Variants in COP1 observed in about 807,000 individuals in gnomAD.
COP1 encodes E3 ubiquitin-protein ligase COP1.
COP1 carries 24 observed loss-of-function variants against 101.3 expected under a neutral mutation model. The observed-to-expected ratio is 0.24, with a 90% CI of 0.17 to 0.33. The LOEUF (loss-of-function observed/expected upper bound fraction) is 0.33, where lower values mean the gene tolerates loss of function less well. Among genes scored for constraint, COP1 ranks in the 10% least tolerant of loss-of-function variants. The pLI is 1.00. For missense variants in COP1, 663 were observed against 906.2 expected (o/e 0.73, Z 3.45); for synonymous variants, 347 against 341.9 (o/e 1.01, Z -0.17).
chr1:176,117,523 T>A (rs2149604093), intron 8 of COP1, among the ~76,000 whole-genome samples: 1 of 152,328 alleles, frequency 6.6e-6, no homozygotes, highest in Non-Finnish European at 1.5e-5. Context: ...TATCAACAAC[T>A]GAAAATCACA....
intron 9 of COP1, among the ~76,000 whole-genome samples, chr1:176,093,142 T>G (rs2149463153): frequency 6.6e-6 from 1 of 152,274 alleles, no homozygotes; most frequent in African/African-American, 2.4e-5. Flanking sequence ...TGGTAAAACT[T>G]TTTTAAAAGT....
At chr1:176,060,878 G>T (rs1674717966) in intron 11 of COP1, among the ~76,000 whole-genome samples, 1 of 151,870 alleles carries the variant, frequency 6.6e-6, no homozygotes, top group African/African-American at 2.4e-5. Context: ...AAACACTGAA[G>T]AAAAATATTT....
At chr1:176,097,868 C>CA (rs35822200) in intron 9 of COP1, among the ~76,000 whole-genome samples, 13,168 of 79,010 alleles carry the variant, frequency 0.17, 1,344 homozygotes, top group African/African-American at 0.33. Flanking sequence ...AACTCCATCT[C>CA]AAAAAAAAAA....
Position 175,988,400 on chromosome 1 carries a change from A to G in COP1, c.1860T>C (p.Ser620=), listed in dbSNP as rs778712331. ...GEEIVSASTD[S]QLKLWNVGKP... ...TCCCTACATTCCACAGTTTTAGCTG[A>G]CTGTCTGTTGAGCTGAGGAAAAGTA... is the stretch of plus-strand genomic sequence containing the variant. The change falls in exon 17 of 20, where the codon AGT becomes AGC. Residue 620 remains serine, a synonymous_variant. Transcript: ENST00000367669. 2 of 1,601,834 alleles carry G rather than the reference A, an allele frequency of 1.2e-6. No individual in the cohort carries two copies. The highest frequency in any genetic ancestry group is 2.2e-5 in the South Asian group (2 of 89,790).
At position 176,085,784 on chromosome 1, in the gene COP1, C is replaced by G. The variant is rs759451215; in HGVS notation, c.1133G>C (p.Arg378Pro). 4 of 1,576,478 alleles carry G rather than the reference C, an allele frequency of 2.5e-6. No individual in the cohort carries two copies. Among genetic ancestry groups the G allele is most frequent in the Non-Finnish European group, 3.5e-6 (4 of 1,149,558 alleles). The stretch of plus-strand genomic sequence containing the variant: ...AAGGTCTAAATATATACCTGAGATA[C>G]GAGACATCCTTGTAGAAAAGTAACA... ...EQCYFSTRMS[R>P]ISDDSRTASQ... Residue 378 changes from arginine (R) to proline (P), a missense_variant, in exon 10 of 20, where the codon CGT (arginine) becomes CCT (proline). Physicochemically the swap from Arg to Pro is moderately radical, Grantham distance 103 (BLOSUM62 -2). Around this residue, in one of 4 missense-constraint regions of COP1, gnomAD observed 212 missense variants for 240.7 expected, o/e 0.88. Coordinates refer to ENST00000367669, the MANE Select transcript of COP1 (RefSeq NM_022457.7).
intron 11 of COP1, among the ~76,000 whole-genome samples, chr1:176,080,624 T>A (rs1678942152): frequency 6.6e-6 from 1 of 152,126 alleles, no homozygotes; most frequent in Non-Finnish European, 1.5e-5. Context: ...AATAAGGCAA[T>A]ATTATGAATA....
At chr1:176,047,917 A>G (rs997967836) in intron 11 of COP1, among the ~76,000 whole-genome samples, 2 of 152,062 alleles carry the variant, frequency 1.3e-5, no homozygotes, top group Non-Finnish European at 1.5e-5. Context: ...CTACAAAAAA[A>G]TGAAACAATT....
chr1:176,135,525 CA>C (rs1328633942), intron 7 of COP1, among the ~76,000 whole-genome samples: 1 of 151,818 alleles, frequency 6.6e-6, no homozygotes, highest in Non-Finnish European at 1.5e-5. Flanking sequence ...CATAAAAACA[CA>C]AAAAACACCC....
At chr1:176,008,216 C>T (rs891207736) in intron 15 of COP1, among the ~76,000 whole-genome samples, 20 of 152,156 alleles carry the variant, frequency 1.3e-4, no homozygotes, top group African/African-American at 4.1e-4. Flanking sequence ...GCACGGTGCA[C>T]GCACCCACTG....
At chr1:175,991,091 T>G (rs959069243) in intron 15 of COP1, among the ~76,000 whole-genome samples, 1 of 152,128 alleles carries the variant, frequency 6.6e-6, no homozygotes, top group African/African-American at 2.4e-5. Flanking sequence ...TTTCAGATTT[T>G]GGATTTGAGA....
intron 11 of COP1, among the ~76,000 whole-genome samples, chr1:176,046,856 C>T (rs74680409): frequency 0.057 from 8,599 of 151,990 alleles, 285 homozygotes; most frequent in African/African-American, 0.08. Flanking sequence ...ATTATCATTA[C>T]TTTTCCCCAA....
intron 18 of COP1, among the ~76,000 whole-genome samples, chr1:175,959,990 T>G (rs957533240): frequency 1.3e-5 from 2 of 152,206 alleles, no homozygotes; most frequent in Non-Finnish European, 2.9e-5. Context: ...AACTTGAGAC[T>G]CCATTCTGTT....
At chr1:176,154,119 AG>A (rs945335751) in intron 5 of COP1, among the ~76,000 whole-genome samples, 19 of 152,100 alleles carry the variant, frequency 1.2e-4, no homozygotes, top group African/African-American at 4.6e-4. Context: ...ATACTTAGGG[AG>A]GAGTGCCTCT....
At chr1:176,076,022 A>AAAAT (rs1299169500) in intron 11 of COP1, among the ~76,000 whole-genome samples, 1 of 151,244 alleles carries the variant, frequency 6.6e-6, no homozygotes, top group Admixed American at 6.6e-5. Flanking sequence ...AAAAAAAAAA[A>AAAAT]ATAGTAGGGG....
At chr1:176,196,881 C>CAA (rs1251212971) in intron 1 of COP1, among the ~76,000 whole-genome samples, 5 of 67,828 alleles carry the variant, frequency 7.4e-5, no homozygotes, top group African/African-American at 1.7e-4. Flanking sequence ...TGTCTCTACG[C>CAA]AAAAAAAAAA....
intron 18 of COP1, among the ~76,000 whole-genome samples, chr1:175,978,903 C>T (rs1407929902): frequency 6.6e-6 from 1 of 152,042 alleles, no homozygotes; most frequent in Non-Finnish European, 1.5e-5. Flanking sequence ...TTAGGAGTAG[C>T]ATTTTTTAAT....
chr1:176,134,815 AC>A (rs1314753738), intron 8 of COP1, among the ~76,000 whole-genome samples, 194 bp downstream of exon 8: 4 of 152,062 alleles, frequency 2.6e-5, no homozygotes, highest in African/African-American at 9.7e-5. Flanking sequence ...ATAGTATTCT[AC>A]TCGCTAACTC....
chr1:176,130,217 G>A (rs56981673), intron 8 of COP1, among the ~76,000 whole-genome samples: 8,992 of 151,694 alleles, frequency 0.059, 605 homozygotes, highest in African/African-American at 0.16. Context: ...TAAAGTCTGA[G>A]CTAAAAAGTT....
At chr1:176,086,802 A>T (rs549754792) in intron 9 of COP1, among the ~76,000 whole-genome samples, 72 of 152,296 alleles carry the variant, frequency 4.7e-4, no homozygotes, top group African/African-American at 1.7e-3. Context: ...CATTGCCAAG[A>T]CAATCCTAAG....
Sources: gnomAD v4.1 joint callset for allele counts (sites outside exome capture counted in the v4.1 genomes callset) on GRCh38, gnomAD v4.1.1 for gene constraint, gnomAD v4.1.1 regional missense constraint, MANE v1.5 for transcripts, NCBI Gene and HGNC (gene_info 2026-07-23, HGNC 2026-07-21) for gene names.